ZNF680: variants seen among roughly 807,000 people sequenced by gnomAD.
The protein encoded by ZNF680 is hypothetical protein FLJ90430.
Under a neutral mutation model 12.1 loss-of-function variants are expected in ZNF680, and 6 were observed. That is an observed-to-expected ratio of 0.49 (90% confidence interval 0.27 to 0.98). ZNF680 has a LOEUF of 0.98. Among genes scored for constraint, ZNF680 ranks in the 50% least tolerant of loss-of-function variants. The pLI is 0.12. For synonymous variants in ZNF680, 170 were observed against 199.3 expected (o/e 0.85, Z 1.24); for missense variants, 561 against 616.3 (o/e 0.91, Z 0.95).
At chr7:64,514,190 A>C in the ZNF680 span, among the ~76,000 whole-genome samples, 9 of 152,204 alleles carry the variant, frequency 5.9e-5, no homozygotes, top group African/African-American at 2.2e-4. Context: ...AACAGAGGTT[A>C]ACAAAATTAT....
chr7:64,499,554 G>A, the ZNF680 span, among the ~76,000 whole-genome samples: 2 of 152,146 alleles, frequency 1.3e-5, no homozygotes. Flanking sequence ...TCAGGAGTTC[G>A]AGACCAGCCT....
chr7:64,562,187 G>T (rs536107335), intron 1 of ZNF680, among the ~76,000 whole-genome samples: 1 of 148,488 alleles, frequency 6.7e-6, no homozygotes, highest in South Asian at 2.2e-4. Context: ...AGCCGAGATC[G>T]TGCCACTGCA....
At chr7:64,508,752 GT>G in the ZNF680 span, among the ~76,000 whole-genome samples, 4 of 151,140 alleles carry the variant, frequency 2.6e-5, no homozygotes, top group African/African-American at 9.9e-5. Context: ...ACTAACTCTA[GT>G]CCCCACTATT....
intron 1 of ZNF680, among the ~76,000 whole-genome samples, chr7:64,560,727 G>A (rs886487613): frequency 3.3e-5 from 5 of 151,704 alleles, no homozygotes; most frequent in African/African-American, 4.8e-5. Context: ...GAGGAGAATC[G>A]CTTGAACCCA....
At chr7:64,499,576 C>T in the ZNF680 span, among the ~76,000 whole-genome samples, 2 of 152,054 alleles carry the variant, frequency 1.3e-5, no homozygotes, top group Admixed American at 1.3e-4. Context: ...GCCATCATAG[C>T]GAAACCCCAT....
intron 1 of ZNF680, among the ~76,000 whole-genome samples, chr7:64,560,615 C>A (rs1787681635): frequency 6.6e-6 from 1 of 152,038 alleles, no homozygotes; most frequent in Non-Finnish European, 1.5e-5. Context: ...AGTTTGAGAC[C>A]AGACTGGCCA....
At chr7:64,525,209 G>A (rs900715205) in intron 3 of ZNF680, 1 of 152,104 alleles carries the variant, frequency 6.6e-6, no homozygotes, top group African/African-American at 2.4e-5. Context: ...TACACTAGTA[G>A]AACAGAATGC....
intron 1 of ZNF680, among the ~76,000 whole-genome samples, chr7:64,558,400 G>T (rs1041128174): frequency 6.6e-6 from 1 of 152,094 alleles, no homozygotes. Flanking sequence ...GTGGGAAAAG[G>T]GGGTCTGTTA....
chr7:64,526,479 C>T (rs1237813084), intron 3 of ZNF680: 1 of 1,200,882 alleles, frequency 8.3e-7, no homozygotes, highest in African/African-American at 1.5e-5. Flanking sequence ...TAACTTGAGA[C>T]CAGGAGTTCA....
At chr7:64,546,999 A>G (rs1439298734) in intron 1 of ZNF680, among the ~76,000 whole-genome samples, 8 of 152,264 alleles carry the variant, frequency 5.3e-5, no homozygotes, top group Non-Finnish European at 1.0e-4. Context: ...GGATGCTTCC[A>G]CCAAGAACAA....
chr7:64,508,420 TG>T, the ZNF680 span, among the ~76,000 whole-genome samples: 5 of 152,096 alleles, frequency 3.3e-5, no homozygotes, highest in South Asian at 1.0e-3. Flanking sequence ...AGAATTAACA[TG>T]GGTTACGAAC....
At chr7:64,532,992 C>G (rs1371499311) in intron 3 of ZNF680, among the ~76,000 whole-genome samples, 1 of 152,122 alleles carries the variant, frequency 6.6e-6, no homozygotes, top group African/African-American at 2.4e-5. Flanking sequence ...AAACTCTCAG[C>G]AAAATTGGCA....
intron 3 of ZNF680, among the ~76,000 whole-genome samples, chr7:64,526,988 T>A (rs902899169): frequency 3.3e-5 from 5 of 152,162 alleles, no homozygotes; most frequent in Admixed American, 6.5e-5. Context: ...CTGTAATCCC[T>A]GCATTTTGGG....
At chr7:64,510,416 A>G in the ZNF680 span, among the ~76,000 whole-genome samples, 4 of 152,074 alleles carry the variant, frequency 2.6e-5, no homozygotes, top group Non-Finnish European at 5.9e-5. Flanking sequence ...AACTCAATAA[A>G]AAAAACAGGT....
intron 1 of ZNF680, among the ~76,000 whole-genome samples, chr7:64,560,396 G>A (rs927341326): frequency 2.0e-5 from 3 of 152,142 alleles, no homozygotes; most frequent in African/African-American, 2.4e-5. Flanking sequence ...TTACAGGCGT[G>A]TGCCACTGCA....
At chr7:64,537,671 T>C (rs565021422) in intron 3 of ZNF680, among the ~76,000 whole-genome samples, 1 of 152,316 alleles carries the variant, frequency 6.6e-6, no homozygotes, top group African/African-American at 2.4e-5. Flanking sequence ...CTCACGCCTG[T>C]AATCCCAGCA....
chr7:64,515,824 AC>A (rs112800256), downstream of ZNF680, among the ~76,000 whole-genome samples: 34,283 of 151,986 alleles, frequency 0.23, 4,054 homozygotes, highest in South Asian at 0.28. Context: ...GTGGGCACTC[AC>A]CTTTATTTAA....
At chr7:64,560,453 A>AT (rs1008674881) in intron 1 of ZNF680, among the ~76,000 whole-genome samples, 7 of 151,890 alleles carry the variant, frequency 4.6e-5, no homozygotes, top group Admixed American at 1.3e-4. Context: ...TGGAGAAGAG[A>AT]TTTTCTCTAT....
chr7:64,503,283 T>TAA, the ZNF680 span, among the ~76,000 whole-genome samples: 1 of 151,622 alleles, frequency 6.6e-6, no homozygotes, highest in Non-Finnish European at 1.5e-5. Context: ...AGCACACATA[T>TAA]AGTTTTGTTC....
Sources: gnomAD v4.1 joint callset for allele counts (sites outside exome capture counted in the v4.1 genomes callset) on GRCh38, gnomAD v4.1.1 for gene constraint, MANE v1.5 for transcripts, NCBI Gene and HGNC (gene_info 2026-07-23, HGNC 2026-07-21) for gene names.